The following SCARB1 variants were observed in gnomAD, a reference collection of about 807,000 sequenced individuals.
SCARB1 encodes the protein scavenger receptor class B member 1, also known as CD36 and LIMPII analogous 1.
Under a neutral mutation model 57.2 loss-of-function variants are expected in SCARB1, and 30 were observed. The ratio of observed to expected loss-of-function variants is 0.52; its 90% confidence interval spans 0.39 to 0.71. The LOEUF (loss-of-function observed/expected upper bound fraction) is 0.71, where lower values mean the gene tolerates loss of function less well. Among genes scored for constraint, SCARB1 ranks in the 30% least tolerant of loss-of-function variants. SCARB1 has a pLI of 0.00. For synonymous variants in SCARB1, 249 were observed against 268.3 expected, an observed-to-expected ratio of 0.93 and a Z score of 0.70; for missense variants, 543 against 671.2, an observed-to-expected ratio of 0.81 and a Z score of 2.11.
chr12:124,843,940 C>G (rs1368112722), intron 1 of SCARB1, among the ~76,000 whole-genome samples: 1 of 152,188 alleles, frequency 6.6e-6, no homozygotes, highest in Non-Finnish European at 1.5e-5. Context: ...GTCTCAGGTG[C>G]TGGAGAGGAT....
chr12:124,834,657 C>T (rs1951555894), intron 1 of SCARB1, among the ~76,000 whole-genome samples: 1 of 152,196 alleles, frequency 6.6e-6, no homozygotes, highest in African/African-American at 2.4e-5. Context: ...CCTGTAATCC[C>T]AGCACTTTGG....
chr12:124,807,677 A>G lies in SCARB1; in HGVS notation c.1009+84T>C. ...TCAAGAGTACAGAGGCCAGAGATTA[A>G]GCAGACAGCACTGGGCAGATAAACC... On this transcript the variant is annotated intron_variant, in intron 7 of 12. Coordinates refer to ENST00000261693, the MANE Select transcript of SCARB1 (RefSeq NM_005505.5). This position sits in a 1 kb window ranked among gnomAD's most constrained non-coding sequence, Gnocchi z 5.3. 1 of 1,321,462 alleles carries G rather than the reference A, an allele frequency of 7.6e-7. No homozygotes were observed. Among genetic ancestry groups the G allele is most frequent in the Non-Finnish European group, 1.1e-6 (1 of 926,716 alleles). The allele number at this position is 1,321,462 out of a possible 1,614,324, so 81.9% of individuals were successfully genotyped here.
chr12:124,836,169 C>T (rs4765621), intron 1 of SCARB1, among the ~76,000 whole-genome samples: 58,079 of 152,004 alleles, frequency 0.38, 11,439 homozygotes, highest in Admixed American at 0.51. Context: ...GAAGAGGACA[C>T]GCAATTCACA....
chr12:124,803,942 G>A lies in SCARB1; in HGVS notation c.1010-3700C>T, dbSNP rs117566863. On this transcript the variant is annotated intron_variant, in intron 7 of 12. Coordinates refer to ENST00000261693, the MANE Select transcript of SCARB1 (RefSeq NM_005505.5). ...TAAATAAAGATTTTAAAATTCCTTT[G>A]CGCTTTTGAAATTCTTTTGGCAGAT... Among the ~76,000 whole-genome samples, 1,433 of 152,276 alleles carry A rather than the reference G, an allele frequency of 9.4e-3. 19 individuals carry two copies. The highest frequency in any genetic ancestry group is 0.048 in the South Asian group (231 of 4,824).
intron 1 of SCARB1, among the ~76,000 whole-genome samples, chr12:124,855,542 T>C (rs1291678501): frequency 6.6e-6 from 1 of 152,214 alleles, no homozygotes; most frequent in Non-Finnish European, 1.5e-5. Context: ...CAAGGTCATG[T>C]CCAAACAGGG....
intron 1 of SCARB1, among the ~76,000 whole-genome samples, chr12:124,856,700 G>A (rs966675251): frequency 1.3e-5 from 2 of 152,210 alleles, no homozygotes; most frequent in African/African-American, 4.8e-5. Context: ...AAACAAGGGG[G>A]TCCTACAGGA....
Position 124,810,144 on chromosome 12 carries a change from AC to A in SCARB1, c.842+29del. On this transcript the variant is annotated intron_variant, in intron 6 of 12. Coordinates refer to ENST00000261693, the MANE Select transcript of SCARB1 (RefSeq NM_005505.5). The surrounding 1 kb of genome is among the most constrained non-coding windows in gnomAD (Gnocchi z 4.0). ...AATTTGGCCATGAGCTACCCAGGAAACCCAGGAGGCCCCGAGTCCCAGTGAT... is the reference window on the plus strand; with the variant it reads ...AATTTGGCCATGAGCTACCCAGGAAACCAGGAGGCCCCGAGTCCCAGTGAT... The A allele has an allele frequency of 6.7e-7, 1 of 1,488,156 alleles. No homozygotes were observed. The highest frequency in any genetic ancestry group is 9.4e-7 in the Non-Finnish European group (1 of 1,066,408). The allele number at this position is 1,488,156 out of a possible 1,614,324, so 92.2% of individuals were successfully genotyped here.
intron 1 of SCARB1, among the ~76,000 whole-genome samples, chr12:124,844,316 G>A (rs149523973): frequency 3.3e-5 from 5 of 152,270 alleles, no homozygotes; most frequent in Admixed American, 1.3e-4. Flanking sequence ...CTCCTCAGAC[G>A]TGACAGGCCA....
At position 124,817,658 on chromosome 12, in the gene SCARB1, A is replaced by T. The variant is rs1223858473; in HGVS notation, c.176T>A (p.Ile59Asn). Residue 59 changes from isoleucine to asparagine, a missense_variant, in exon 2 of 13, where the codon ATC becomes AAC. Physicochemically the swap from Ile to Asn is moderately radical, Grantham distance 149. Coordinates refer to ENST00000261693, the MANE Select transcript of SCARB1 (RefSeq NM_005505.5). This position sits in a 1 kb window ranked among gnomAD's most constrained non-coding sequence, Gnocchi z 4.8. Reference sequence around the variant, plus strand: ...GACGGAGAGATAGAAGGGGATAGGGATCTCCTTCCACATGTTGAAGGACAG... The same window carrying T: ...GACGGAGAGATAGAAGGGGATAGGGTTCTCCTTCCACATGTTGAAGGACAG... ...SSLSFNMWKEIPIPFYLSVYF... is the reference protein window; with the variant it reads ...SSLSFNMWKENPIPFYLSVYF... 1 of 1,614,122 alleles carries T rather than the reference A, an allele frequency of 6.2e-7. No individual in the cohort carries two copies. Among genetic ancestry groups the T allele is most frequent in the Admixed American group, 1.7e-5 (1 of 60,014 alleles).
At chr12:124,779,841 C>T (rs1476166594) in intron 12 of SCARB1, among the ~76,000 whole-genome samples, 1 of 152,126 alleles carries the variant, frequency 6.6e-6, no homozygotes, top group Admixed American at 6.5e-5. Flanking sequence ...GGGCAGAGAG[C>T]GGGCACAGGG....
At chr12:124,805,620 G>C (rs1214406149) in intron 7 of SCARB1, among the ~76,000 whole-genome samples, 3 of 151,966 alleles carry the variant, frequency 2.0e-5, no homozygotes, top group African/African-American at 7.3e-5. Flanking sequence ...AGTGCAGTGG[G>C]GTGATCACAG....
chr12:124,830,242 G>C (rs1302775994), intron 1 of SCARB1, among the ~76,000 whole-genome samples: 2 of 152,212 alleles, frequency 1.3e-5, no homozygotes. Context: ...CTCACACATT[G>C]CTGGTGGAAG....
chr12:124,788,894 T>C (rs1248357010), intron 9 of SCARB1, among the ~76,000 whole-genome samples: 2 of 152,170 alleles, frequency 1.3e-5, no homozygotes, highest in Non-Finnish European at 2.9e-5. Context: ...AACGACAATA[T>C]GTATCTTCTC....
intron 7 of SCARB1, among the ~76,000 whole-genome samples, chr12:124,805,850 G>A (rs1044909145): frequency 2.7e-5 from 4 of 150,400 alleles, no homozygotes; most frequent in African/African-American, 4.9e-5. Flanking sequence ...GATTACAGGC[G>A]TGAACCACCA....
intron 1 of SCARB1, among the ~76,000 whole-genome samples, chr12:124,825,578 G>A (rs1241681485): frequency 1.3e-5 from 2 of 152,074 alleles, no homozygotes; most frequent in Non-Finnish European, 2.9e-5. Context: ...GGCTGAGGTG[G>A]GAGAATCGCT....
In SCARB1 at chr12:124,854,571, G is replaced by A. The variant is rs113916948; in HGVS notation, c.126+9024C>T. On this transcript the variant is annotated intron_variant, in intron 1 of 12. Transcript: ENST00000261693. ...GGCGGATGCAGGAATCTGGGGGAGA[G>A]GTGATGGTGCCTTGGACCAGAGGTG... is the stretch of plus-strand genomic sequence containing the variant. Among the ~76,000 whole-genome samples the A allele has an allele frequency of 4.5e-3, 683 of 152,318 alleles. 4 individuals carry two copies. The highest frequency in any genetic ancestry group is 0.015 in the African/African-American group (640 of 41,554).
rs71092225 is a variant in SCARB1 at position 124,817,020 on chromosome 12, A to ATG, written c.284+528_284+529dup. Among the ~76,000 whole-genome samples the ATG allele has an allele frequency of 0.014, 1,977 of 146,138 alleles. 20 individuals carry two copies. Among genetic ancestry groups the ATG allele is most frequent in the Middle Eastern group, 0.034 (10 of 290 alleles). On this transcript the variant is annotated intron_variant, in intron 2 of 12. Transcript: ENST00000261693. The surrounding 1 kb of genome is among the most constrained non-coding windows in gnomAD (Gnocchi z 4.8). ...GGTCGGTCCCTGCTCCTGGTCATGC[A>ATG]TGTGTGTGTGTGTGTGTGTGTGTGT...
At position 124,810,040 on chromosome 12, in the gene SCARB1, T is replaced by C. The variant is rs2135655035; in HGVS notation, c.842+134A>G. The C allele has an allele frequency of 1.4e-6, 1 of 690,796 alleles. No homozygotes were observed. The highest frequency in any genetic ancestry group is 2.0e-5 in the Admixed American group (1 of 49,300). The allele number at this position is 690,796 out of a possible 1,614,324, so 42.8% of individuals were successfully genotyped here. A position where few individuals can be genotyped will look rare whatever the true frequency, so the allele number is the denominator to read the frequency against. ...CTTTTGGTGGTGTGACCAAAGAGAATTCAAGCTGGTGCCAAGGGCTACTGA... is the reference window on the plus strand; with the variant it reads ...CTTTTGGTGGTGTGACCAAAGAGAACTCAAGCTGGTGCCAAGGGCTACTGA... On this transcript the variant is annotated intron_variant, in intron 6 of 12. Transcript: ENST00000261693. This position sits in a 1 kb window ranked among gnomAD's most constrained non-coding sequence, Gnocchi z 4.0.
At chr12:124,832,498 C>G (rs969489460) in intron 1 of SCARB1, among the ~76,000 whole-genome samples, 1 of 147,576 alleles carries the variant, frequency 6.8e-6, no homozygotes, top group Non-Finnish European at 1.5e-5. Flanking sequence ...CCAGCCTGGG[C>G]GACAGAGTGA....
Sources: allele counts gnomAD v4.1 joint callset (sites outside exome capture counted in the v4.1 genomes callset), GRCh38; gene constraint gnomAD v4.1.1; non-coding constraint Gnocchi (gnomAD v3.1); transcripts MANE v1.5; gene names NCBI Gene and HGNC (gene_info 2026-07-23, HGNC 2026-07-21).